Variants in RHOC observed in about 807,000 individuals in gnomAD.
RHOC encodes rho-related GTP-binding protein RhoC.
A neutral mutation model predicts 19.5 loss-of-function variants in RHOC; 13 were observed. The observed-to-expected ratio is 0.67, with a 90% CI of 0.43 to 1.06. RHOC has a LOEUF of 1.06. Among genes scored for constraint, RHOC ranks in the 50% least tolerant of loss-of-function variants. The pLI, the probability that RHOC is intolerant of heterozygous loss-of-function variation, is 0.00. For synonymous variants in RHOC, 106 were observed against 97.3 expected (o/e 1.09, Z -0.52); for missense variants, 173 against 256.9 (o/e 0.67, Z 2.23).
At position 112,702,906 on chromosome 1, in the gene RHOC, C is replaced by T. The variant is rs778517344; in HGVS notation, c.277+93G>A. On this transcript the variant is annotated intron_variant, in intron 4 of 5. Transcript: ENST00000339083. ...CCTGAGTGCTCCCCTGCATCCCCAC[C>T]CCCACCTCTGAAGATGACTGAAGAC... The T allele has an allele frequency of 1.2e-5, 17 of 1,423,214 alleles. No individual in the cohort carries two copies. In the African/African-American group the frequency reaches 1.4e-4, roughly 12 times the overall value. 88.2% of individuals were successfully genotyped at this position (1,423,214 alleles called of 1,614,324 possible). A position where few individuals can be genotyped will look rare whatever the true frequency, so the allele number is the denominator to read the frequency against.
At position 112,703,707 on chromosome 1, in the gene RHOC, C is replaced by A. The variant is rs372772606; in HGVS notation, c.93G>T (p.Pro31=). 33 of 1,613,546 alleles carry A rather than the reference C, an allele frequency of 2.0e-5. No individual in the cohort carries two copies. The South Asian group carries it at 3.1e-4, about 15-fold the overall frequency. Residue 31 remains proline (P), a synonymous_variant, in exon 3 of 6, where the codon CCG becomes CCT. Transcript: ENST00000339083. ...LLIVFSKDQF[P]EVYVPTVFEN... is the part of the protein sequence containing the mutation. ...CAAAGACAGTAGGGACGTAGACCTC[C>A]GGAAACTGATCCTTGCTGAAGACGA...
rs35221527 is a variant in RHOC, at chr1:112,705,091, G to A, written c.-8+9C>T. On this transcript the variant is annotated intron_variant, in intron 2 of 5. Coordinates refer to ENST00000339083, the MANE Select transcript of RHOC (RefSeq NM_175744.5). ...CTCACTTCCTCCTTCCCTGGGGAGG[G>A]GAACTGACCTCCAGCCGGCTGAAGT... 0.14 allele frequency: 101,483 copies of A among 702,308 alleles called. 8,346 individuals carry two copies. The highest frequency in any genetic ancestry group is 0.18 in the Non-Finnish European group (67,766 of 384,774). 43.5% of individuals were successfully genotyped at this position (702,308 alleles called of 1,614,324 possible). A position where few individuals can be genotyped will look rare whatever the true frequency, so the allele number is the denominator to read the frequency against.
rs1171938191 is a variant in RHOC at position 112,701,542 on chromosome 1, A to G, written c.580T>C (p.Ter194ArgextTer31). 6.2e-7 allele frequency: 1 copy of G among 1,613,972 alleles called. No individual in the cohort carries two copies. The highest frequency in any genetic ancestry group is 8.5e-7 in the Non-Finnish European group (1 of 1,179,958). The change falls in exon 6 of 6, where the codon TGA (stop) becomes CGA (arginine). Residue 194 changes from the stop codon to arginine, a stop_lost. Transcript: ENST00000339083. The part of the protein sequence containing the change: ...NKRRRGCPIL[*>R] ...ATGTAGGAAAGGCCTTGGGGATCTC[A>G]GAGAATGGGACAGCCCCTCCGACGC...
chr1:112,701,288 C>T lies in RHOC; in HGVS notation c.*252G>A. The T allele has an allele frequency of 9.9e-7, 1 of 1,005,684 alleles. No homozygotes were observed. The highest frequency in any genetic ancestry group is 1.4e-6 in the Non-Finnish European group (1 of 696,316). 62.3% of individuals were successfully genotyped at this position (1,005,684 alleles called of 1,614,324 possible). A position where few individuals can be genotyped will look rare whatever the true frequency, so the allele number is the denominator to read the frequency against. On this transcript the variant is annotated 3_prime_UTR_variant, in exon 6 of 6. Transcript: ENST00000339083. ...TATAAAGTGCTGGTGTGTGACCATC[C>T]TTTGGGGAAGGTCAAAGGGGGCAAG...
rs969698119 is a variant in RHOC at position 112,702,610 on chromosome 1, G to C, written c.361C>G (p.Leu121Val). The part of the protein sequence containing the change: ...PIILVGNKKD[L>V]RQDEHTRREL... ...CTCCTGGTGTGCTCGTCTTGCCTCAGGTCCTTCTTATTCCCCACCAGGATG... is the reference window on the plus strand; with the variant it reads ...CTCCTGGTGTGCTCGTCTTGCCTCACGTCCTTCTTATTCCCCACCAGGATG... Residue 121 changes from leucine (L) to valine (V), a missense_variant, in exon 5 of 6, where the codon CTG (leucine) becomes GTG (valine). Transcript: ENST00000339083. 6.2e-7 allele frequency: 1 copy of C among 1,613,956 alleles called. No homozygotes were observed. The highest frequency in any genetic ancestry group is 1.3e-5 in the African/African-American group (1 of 74,884).
chr1:112,706,491 CACACACACA>C (rs1674885621), intron 1 of RHOC, among the ~76,000 whole-genome samples: 1 of 27,132 alleles, frequency 3.7e-5, no homozygotes, highest in African/African-American at 1.1e-4. Context: ...CACACACACA[CACACACACA>C]CACACACACA....
intron 5 of RHOC, among the ~76,000 whole-genome samples, chr1:112,702,055 T>TG (rs1175714387): frequency 6.6e-6 from 1 of 152,202 alleles, no homozygotes; most frequent in African/African-American, 2.4e-5. Context: ...CTCCCCAGTT[T>TG]GAAACTTTGC....
rs746194699 is a variant in RHOC at position 112,705,108 on chromosome 1, G to T, written c.-16C>A. 4.3e-6 allele frequency: 3 copies of T among 702,460 alleles called. No individual in the cohort carries two copies. The highest frequency in any genetic ancestry group is 1.5e-5 in the South Asian group (1 of 67,592). The allele number at this position is 702,460 out of a possible 1,614,324, so 43.5% of individuals were successfully genotyped here. On this transcript the variant is annotated 5_prime_UTR_variant, in exon 2 of 6. Coordinates refer to ENST00000339083, the MANE Select transcript of RHOC (RefSeq NM_175744.5). ...TGGGGAGGGGAACTGACCTCCAGCC[G>T]GCTGAAGTTCCCAGGCTGCAGGAAG...
chr1:112,706,004 C>A (rs1014035473), intron 1 of RHOC: 3 of 253,624 alleles, frequency 1.2e-5, no homozygotes, highest in African/African-American at 6.6e-5. Context: ...GCAGCCCAGG[C>A]CAGGACACTA....
chr1:112,702,650 GCAGAAGTGCTTCACC>G lies in RHOC; in HGVS notation c.306_320del (p.Glu102_Cys107delinsAsp). 6.2e-7 allele frequency: 1 copy of G among 1,614,066 alleles called. No homozygotes were observed. Among genetic ancestry groups the G allele is most frequent in the Non-Finnish European group, 8.5e-7 (1 of 1,179,970 alleles). On this transcript the variant is annotated inframe_deletion, in exon 5 of 6. Transcript: ENST00000339083. ...CCACCAGGATGATGGGCACGTTGGG[GCAGAAGTGCTTCACC>G]TCTGGGGTCCACTTCTCAGGAATGT...
At chr1:112,702,336 C>T (rs553821033) in intron 5 of RHOC, among the ~76,000 whole-genome samples, 95 of 152,284 alleles carry the variant, frequency 6.2e-4, no homozygotes, top group African/African-American at 2.0e-3. Flanking sequence ...CAATTCTGAA[C>T]GGAATGGACA....
chr1:112,701,690 G>A lies in RHOC; in HGVS notation c.432C>T (p.Gly144=). The A allele has an allele frequency of 6.2e-7, 1 of 1,613,956 alleles. No individual in the cohort carries two copies. Among genetic ancestry groups the A allele is most frequent in the South Asian group, 1.1e-5 (1 of 91,086 alleles). ...CACTGATCCGGTTCGCCATGTCCCG[G>A]CCTTCCTCAGACCGAACGGGCTCCT... ...MKQEPVRSEE[G]RDMANRISAF... The change falls in exon 6 of 6, where the codon GGC becomes GGT. Residue 144 remains glycine, a synonymous_variant. Coordinates refer to ENST00000339083, the MANE Select transcript of RHOC (RefSeq NM_175744.5).
At position 112,701,733 on chromosome 1, in the gene RHOC, G is replaced by A; in HGVS notation, c.409-20C>T. On this transcript the variant is annotated intron_variant, in intron 5 of 5. Transcript: ENST00000339083. ...GGGCTCCTGAGAAGACATAAGATGA[G>A]GGGTCAAAGGAAGCTGTTGACTACA... The A allele has an allele frequency of 6.2e-7, 1 of 1,613,144 alleles. No homozygotes were observed. Among genetic ancestry groups the A allele is most frequent in the Non-Finnish European group, 8.5e-7 (1 of 1,179,502 alleles).
rs1037541377 is a variant in RHOC at position 112,705,153 on chromosome 1, T to C, written c.-61A>G. On this transcript the variant is annotated 5_prime_UTR_variant, in exon 2 of 6. Transcript: ENST00000339083. ...AGGAAGAGAGGGCGGGCTCTGGAGC[T>C]GAGATGAAGTCAAGGCTGTTGGGAA... The C allele has an allele frequency of 1.4e-6, 1 of 702,098 alleles. No individual in the cohort carries two copies. The highest frequency in any genetic ancestry group is 1.8e-5 in the African/African-American group (1 of 57,132). The allele number at this position is 702,098 out of a possible 1,614,324, so 43.5% of individuals were successfully genotyped here. A position where few individuals can be genotyped will look rare whatever the true frequency, so the allele number is the denominator to read the frequency against.
In RHOC at chr1:112,705,484, CTG is replaced by C. The variant is rs1674807847; in HGVS notation, c.-76-318_-76-317del. 5.4e-6 allele frequency: 3 copies of C among 555,896 alleles called. No individual in the cohort carries two copies. In the African/African-American group the frequency reaches 5.6e-5, roughly 10 times the overall value. The allele number at this position is 555,896 out of a possible 1,614,324, so 34.4% of individuals were successfully genotyped here. A position where few individuals can be genotyped will look rare whatever the true frequency, so the allele number is the denominator to read the frequency against. On this transcript the variant is annotated intron_variant, in intron 1 of 5. Transcript: ENST00000339083. ...CTTGCCTCCAGACACATTCACAAAA[CTG>C]TTGGTTTTGTGGACATGAGTCAGAG...
chr1:112,706,454 CACACACACACCACACACACACACACACA>C (rs1674858075), intron 1 of RHOC, among the ~76,000 whole-genome samples: 59 of 95,382 alleles, frequency 6.2e-4, no homozygotes, highest in African/African-American at 2.4e-3. Flanking sequence ...CACACACACA[CACACACACACCACACACACACACACACA>C]CACACACACA....
Position 112,701,299 on chromosome 1 carries a change from G to A in RHOC, c.*241C>T. 2 of 1,158,074 alleles carry A rather than the reference G, an allele frequency of 1.7e-6. No homozygotes were observed. Among genetic ancestry groups the A allele is most frequent in the African/African-American group, 1.6e-5 (1 of 64,474 alleles). The allele number at this position is 1,158,074 out of a possible 1,614,324, so 71.7% of individuals were successfully genotyped here. On this transcript the variant is annotated 3_prime_UTR_variant, in exon 6 of 6. Transcript: ENST00000339083. ...GGTGTGTGACCATCCTTTGGGGAAG[G>A]TCAAAGGGGGCAAGATCCCCAGGGG...
intron 2 of RHOC, chr1:112,704,772 C>G: frequency 3.4e-6 from 1 of 296,032 alleles, no homozygotes; most frequent in African/African-American, 2.1e-5. Context: ...CTCCCCCCTT[C>G]CTCCTAGGCC....
At chr1:112,703,568 G>A in intron 3 of RHOC, 76 bp downstream of exon 3, 1 of 1,185,170 alleles carries the variant, frequency 8.4e-7, no homozygotes, top group South Asian at 1.3e-5. Context: ...TAGGAATGGG[G>A]AAGGACATAC....
Sources: allele counts gnomAD v4.1 joint callset (sites outside exome capture counted in the v4.1 genomes callset), GRCh38; gene constraint gnomAD v4.1.1; transcripts MANE v1.5; gene names NCBI Gene and HGNC (gene_info 2026-07-23, HGNC 2026-07-21).